Variants in PHLDB2 observed in about 807,000 individuals in gnomAD.
PHLDB2 encodes the protein pleckstrin homology like domain family B member 2.
PHLDB2 carries 71 observed loss-of-function variants against 123.6 expected under a neutral mutation model. The ratio of observed to expected loss-of-function variants is 0.57; its 90% CI spans 0.47 to 0.70. The LOEUF (loss-of-function observed/expected upper bound fraction) is 0.70, where lower values mean the gene tolerates loss of function less well. Among genes scored for constraint, PHLDB2 ranks in the 30% least tolerant of loss-of-function variants. PHLDB2 has a pLI of 0.00. For synonymous variants in PHLDB2, 547 were observed against 541.6 expected, an observed-to-expected ratio of 1.01 and a Z score of -0.14; for missense variants, 1,446 against 1,519.5, an observed-to-expected ratio of 0.95 and a Z score of 0.80.
At chr3:111,751,165 T>C (rs879211601) in intron 1 of PHLDB2, among the ~76,000 whole-genome samples, 14 of 121,022 alleles carry the variant, frequency 1.2e-4, no homozygotes, top group Admixed American at 5.0e-4. Context: ...AAGGAGACAA[T>C]GGGGTGTGTG....
intron 1 of PHLDB2, among the ~76,000 whole-genome samples, chr3:111,738,289 A>T (rs2059544186): frequency 6.6e-6 from 1 of 152,156 alleles, no homozygotes; most frequent in African/African-American, 2.4e-5. Flanking sequence ...TTATAGTCCA[A>T]CAAATTAAAC....
intron 2 of PHLDB2, among the ~76,000 whole-genome samples, chr3:111,895,054 T>TAA (rs1559890589): frequency 2.0e-5 from 3 of 148,778 alleles, no homozygotes; most frequent in African/African-American, 2.5e-5. Context: ...TAACTGAGAG[T>TAA]GAAAAAAAAA....
At chr3:111,954,171 G>T in intron 12 of PHLDB2, 142 bp downstream of exon 12, 1 of 647,438 alleles carries the variant, frequency 1.5e-6, no homozygotes, top group Non-Finnish European at 2.6e-6. Flanking sequence ...GTTCTCTTTC[G>T]GGAGGGATAT....
At chr3:111,857,455 A>AC (rs1371070645), upstream of PHLDB2, among the ~76,000 whole-genome samples, 2 of 71,530 alleles carry the variant, frequency 2.8e-5, no homozygotes, top group African/African-American at 7.1e-5. Context: ...TGTCTCAAAA[A>AC]AAAAAAAAAG....
At position 111,843,214 on chromosome 3, in the gene PHLDB2, C is replaced by T. The variant is rs1397624825; in HGVS notation, c.-48-2607C>T. Among the ~76,000 whole-genome samples, 12 of 152,318 alleles carry T rather than the reference C, an allele frequency of 7.9e-5. No individual in the cohort carries two copies. In the East Asian group the frequency reaches 1.4e-3, roughly 17 times the overall value. On this transcript the variant is annotated intron_variant, in intron 1 of 17. Coordinates refer to the PHLDB2 transcript ENST00000393923. ...GGCATTTTGTATTTCCACAAACACC[C>T]TATGAGTGCTCCAATTTCTCCATTC...
intron 1 of PHLDB2, among the ~76,000 whole-genome samples, chr3:111,769,870 T>A (rs1326964360): frequency 6.6e-6 from 1 of 152,232 alleles, no homozygotes; most frequent in Non-Finnish European, 1.5e-5. Context: ...AGACAGAGAT[T>A]AAGAATGCTG....
chr3:111,785,906 A>G (rs1470710552), intron 1 of PHLDB2, among the ~76,000 whole-genome samples: 1 of 152,210 alleles, frequency 6.6e-6, no homozygotes, highest in East Asian at 1.9e-4. Context: ...TATTGACATG[A>G]AAATTGTATT....
chr3:111,788,537 T>C lies in PHLDB2; in HGVS notation c.-49+55834T>C, dbSNP rs142200755. The stretch of plus-strand genomic sequence containing the variant: ...AAGACCCTTTGTCTCTTCTCCTGTT[T>C]ACTTCTCCCATCTATCTACCTTTTA... On this transcript the variant is annotated intron_variant, in intron 1 of 17. Coordinates refer to the PHLDB2 transcript ENST00000393923. Among the ~76,000 whole-genome samples, 240 of 152,360 alleles carry C rather than the reference T, an allele frequency of 1.6e-3. 1 individual carries two copies. Among genetic ancestry groups the C allele is most frequent in the African/African-American group, 5.5e-3 (229 of 41,596 alleles).
At chr3:111,879,846 T>C (rs1272290728) in intron 1 of PHLDB2, among the ~76,000 whole-genome samples, 1 of 152,138 alleles carries the variant, frequency 6.6e-6, no homozygotes, top group Non-Finnish European at 1.5e-5. Flanking sequence ...GTACTGCTTC[T>C]TCTGTATCTT....
intron 1 of PHLDB2, among the ~76,000 whole-genome samples, chr3:111,784,545 A>G (rs2060607832): frequency 2.6e-5 from 4 of 152,136 alleles, no homozygotes; most frequent in Admixed American, 6.6e-5. Context: ...CCGTGCTGAT[A>G]AGCAGCATAA....
At chr3:111,826,141 A>G (rs942281905) in intron 1 of PHLDB2, among the ~76,000 whole-genome samples, 2 of 151,928 alleles carry the variant, frequency 1.3e-5, no homozygotes, top group Admixed American at 1.3e-4. Context: ...ATCTCTACTA[A>G]AAATAAAAAT....
At chr3:111,774,129 G>A (rs2060225942) in intron 1 of PHLDB2, among the ~76,000 whole-genome samples, 1 of 152,240 alleles carries the variant, frequency 6.6e-6, no homozygotes, top group Admixed American at 6.5e-5. Context: ...CTGTAGGGAG[G>A]AGAAAGCCAG....
chr3:111,960,631 T>A (rs1419091903), intron 12 of PHLDB2, among the ~76,000 whole-genome samples: 1 of 152,218 alleles, frequency 6.6e-6, no homozygotes, highest in Non-Finnish European at 1.5e-5. Context: ...GAGAATTACT[T>A]CTCTTCTTTC....
intron 2 of PHLDB2, among the ~76,000 whole-genome samples, chr3:111,901,495 A>C (rs1009430807): frequency 6.6e-6 from 1 of 150,678 alleles, no homozygotes; most frequent in African/African-American, 2.4e-5. Context: ...TTCTTTACCC[A>C]CTGGTTTCTT....
chr3:111,969,917 A>G lies in PHLDB2; in HGVS notation c.3535+8A>G, dbSNP rs1223970936. The G allele has an allele frequency of 1.2e-6, 2 of 1,612,402 alleles. No individual in the cohort carries two copies. Among genetic ancestry groups the G allele is most frequent in the Non-Finnish European group, 1.7e-6 (2 of 1,178,510 alleles). ...CATTCTCTTATTATGCAGGTGGGTG[A>G]TAAAAACAATTTAAGCCATATACTC... On this transcript the variant is annotated splice_region_variant and intron_variant, in intron 16 of 17. Transcript: ENST00000431670.
chr3:111,804,467 G>A (rs1237748834), intron 1 of PHLDB2, among the ~76,000 whole-genome samples: 1 of 152,188 alleles, frequency 6.6e-6, no homozygotes, highest in Non-Finnish European at 1.5e-5. Context: ...AATAAAGAAA[G>A]AAGCCTCAGA....
chr3:111,878,686 G>A (rs2065780025), intron 1 of PHLDB2, among the ~76,000 whole-genome samples: 2 of 152,134 alleles, frequency 1.3e-5, no homozygotes, highest in South Asian at 2.1e-4. Flanking sequence ...TTGGCTGTGG[G>A]TTTGTTATAA....
intron 1 of PHLDB2, among the ~76,000 whole-genome samples, chr3:111,881,512 G>A (rs2065924668): frequency 6.6e-6 from 1 of 152,150 alleles, no homozygotes; most frequent in Non-Finnish European, 1.5e-5. Context: ...GTGAATACCT[G>A]CAACACTTGA....
intron 12 of PHLDB2, among the ~76,000 whole-genome samples, chr3:111,956,662 T>C (rs772653792): frequency 1.3e-5 from 2 of 152,166 alleles, no homozygotes; most frequent in Non-Finnish European, 2.9e-5. Context: ...AGGAGATGTG[T>C]TCTGAAAAGA....
Sources: allele counts gnomAD v4.1 joint callset (sites outside exome capture counted in the v4.1 genomes callset), GRCh38; gene constraint gnomAD v4.1.1; transcripts MANE v1.5; gene names NCBI Gene and HGNC (gene_info 2026-07-23, HGNC 2026-07-21).